Variants in PTPRT observed in about 807,000 individuals in gnomAD.
PTPRT encodes the protein receptor-type tyrosine-protein phosphatase T.
In PTPRT, 56 loss-of-function variants were observed where a neutral mutation model predicts 176.8. The observed-to-expected ratio is 0.32, with a 90% CI of 0.26 to 0.40. The LOEUF is 0.40. Among genes scored for constraint, PTPRT ranks in the 10% least tolerant of loss-of-function variants. The probability of loss-of-function intolerance (pLI) is 1.00; values close to 1 mark genes in which losing one functional copy is unlikely to be tolerated. For synonymous variants in PTPRT, 783 were observed against 739.0 expected (o/e 1.06, Z -0.96); for missense variants, 1,540 against 1,908.2 (o/e 0.81, Z 3.60).
chr20:42,227,081 G>C (rs2056030422), intron 15 of PTPRT, among the ~76,000 whole-genome samples: 1 of 152,114 alleles, frequency 6.6e-6, no homozygotes, highest in South Asian at 2.1e-4. Flanking sequence ...GTCCCAAGCT[G>C]GGTTCTCTGA....
At chr20:42,790,820 G>A (rs73269898) in intron 3 of PTPRT, among the ~76,000 whole-genome samples, 20,349 of 151,994 alleles carry the variant, frequency 0.13, 1,491 homozygotes, top group South Asian at 0.25. Flanking sequence ...GATCTTTTAC[G>A]AGTTATTTCA....
At chr20:42,536,057 CT>C (rs1330594626) in intron 7 of PTPRT, among the ~76,000 whole-genome samples, 1 of 152,044 alleles carries the variant, frequency 6.6e-6, no homozygotes. Context: ...AAAGAATAAT[CT>C]CCTGCACTAG....
At chr20:43,032,960 T>G (rs1338908043) in intron 1 of PTPRT, among the ~76,000 whole-genome samples, 1 of 152,184 alleles carries the variant, frequency 6.6e-6, no homozygotes, top group African/African-American at 2.4e-5. Context: ...TCTATAAAAT[T>G]TATGCCAAGC....
intron 11 of PTPRT, among the ~76,000 whole-genome samples, chr20:42,335,943 T>C (rs1210428037): frequency 6.6e-6 from 1 of 152,194 alleles, no homozygotes; most frequent in Non-Finnish European, 1.5e-5. Context: ...TGCTACTAGC[T>C]GCATGATCTT....
At chr20:42,256,503 G>GAAA (rs71193653) in intron 13 of PTPRT, among the ~76,000 whole-genome samples, 2 of 147,028 alleles carry the variant, frequency 1.4e-5, no homozygotes, top group Non-Finnish European at 1.5e-5. Context: ...TTTTAAAAAT[G>GAAA]AAAAAAAAAA....
At chr20:42,738,810 G>A (rs973183379) in intron 6 of PTPRT, among the ~76,000 whole-genome samples, 8 of 152,252 alleles carry the variant, frequency 5.3e-5, no homozygotes, top group Admixed American at 2.0e-4. Flanking sequence ...AGTGGCTCAC[G>A]CCTGTAATCC....
intron 7 of PTPRT, among the ~76,000 whole-genome samples, chr20:42,515,354 G>A (rs2072041336): frequency 6.6e-6 from 1 of 152,124 alleles, no homozygotes; most frequent in African/African-American, 2.4e-5. Flanking sequence ...GTGGTGGCAT[G>A]TGCCCGTAAT....
chr20:42,986,361 A>G (rs556397251), intron 1 of PTPRT, among the ~76,000 whole-genome samples: 9 of 152,312 alleles, frequency 5.9e-5, no homozygotes, highest in African/African-American at 2.2e-4. Context: ...AGCTTCCTGC[A>G]GCCTCCACCT....
chr20:42,473,974 A>G (rs2071243510), intron 7 of PTPRT, among the ~76,000 whole-genome samples: 1 of 152,208 alleles, frequency 6.6e-6, no homozygotes, highest in South Asian at 2.1e-4. Context: ...TTGTAAAATG[A>G]TGATAATAAT....
intron 6 of PTPRT, among the ~76,000 whole-genome samples, chr20:42,702,202 TCTTTGTCCTCCA>T (rs756736196): frequency 1.3e-5 from 2 of 152,146 alleles, no homozygotes; most frequent in Non-Finnish European, 2.9e-5. Context: ...AACAGAGTGT[TCTTTGTCCTCCA>T]CTATTGGTGC....
intron 6 of PTPRT, among the ~76,000 whole-genome samples, chr20:42,711,954 C>A (rs6072840): frequency 6.6e-6 from 1 of 152,042 alleles, no homozygotes; most frequent in African/African-American, 2.4e-5. Context: ...CCATGACTCT[C>A]ATTCACTGTG....
Position 42,075,403 on chromosome 20 carries a change from C to T in PTPRT, c.*5476G>A. On this transcript the variant is annotated 3_prime_UTR_variant, in exon 31 of 31. Coordinates refer to ENST00000373187, the MANE Select transcript of PTPRT (RefSeq NM_007050.6). ...ATCCTGGCCCAGCACAACCTGTTGA[C>T]ATGACTTAGGAACAGCGTCCTGTTC... is the stretch of plus-strand genomic sequence containing the variant. 1 of 228,158 alleles carries T rather than the reference C, an allele frequency of 4.4e-6. No individual in the cohort carries two copies. 14.1% of individuals were successfully genotyped at this position (228,158 alleles called of 1,614,324 possible).
intron 2 of PTPRT, among the ~76,000 whole-genome samples, chr20:42,827,188 C>T (rs551514069): frequency 5.9e-4 from 90 of 152,252 alleles, no homozygotes; most frequent in Non-Finnish European, 1.1e-3. Flanking sequence ...TTTAACTCAA[C>T]ATTGGACCAG....
chr20:42,250,781 G>A (rs899487550), intron 13 of PTPRT, among the ~76,000 whole-genome samples: 2 of 152,228 alleles, frequency 1.3e-5, no homozygotes, highest in African/African-American at 2.4e-5. Context: ...CATGTGCTGT[G>A]TGCTAAACTA....
At chr20:42,169,923 T>C (rs978800449) in intron 16 of PTPRT, among the ~76,000 whole-genome samples, 3 of 152,150 alleles carry the variant, frequency 2.0e-5, no homozygotes, top group Non-Finnish European at 4.4e-5. Context: ...CAAATTCTGA[T>C]GTCCCTACGC....
At chr20:42,153,030 T>A (rs980984782) in intron 17 of PTPRT, among the ~76,000 whole-genome samples, 1 of 152,204 alleles carries the variant, frequency 6.6e-6, no homozygotes, top group Non-Finnish European at 1.5e-5. Flanking sequence ...CCTCTACCCA[T>A]CTTCTTCTAC....
At chr20:42,766,444 G>C (rs908968404) in intron 5 of PTPRT, among the ~76,000 whole-genome samples, 1 of 152,150 alleles carries the variant, frequency 6.6e-6, no homozygotes, top group African/African-American at 2.4e-5. Context: ...TTGCATTTCT[G>C]CATCGGTCCT....
At chr20:42,701,783 G>A (rs902543890) in intron 6 of PTPRT, among the ~76,000 whole-genome samples, 1 of 152,040 alleles carries the variant, frequency 6.6e-6, no homozygotes, top group African/African-American at 2.4e-5. Flanking sequence ...GAGCTCTGCT[G>A]TCATCGTTTT....
intron 1 of PTPRT, among the ~76,000 whole-genome samples, chr20:43,138,671 A>G (rs1002638118): frequency 1.3e-5 from 2 of 152,004 alleles, no homozygotes; most frequent in East Asian, 3.9e-4. Context: ...TGACGGGGTC[A>G]CTCGCATCTC....
Sources: gnomAD v4.1 joint callset for allele counts (sites outside exome capture counted in the v4.1 genomes callset) on GRCh38, gnomAD v4.1.1 for gene constraint, MANE v1.5 for transcripts, NCBI Gene and HGNC (gene_info 2026-07-23, HGNC 2026-07-21) for gene names.